Variants in RAPGEF5 observed in about 807,000 individuals in gnomAD.
RAPGEF5 encodes M-Ras-regulated GEF.
A neutral mutation model predicts 125.2 loss-of-function variants in RAPGEF5; 65 were observed. That is an observed-to-expected ratio of 0.52 (90% CI 0.43 to 0.64). The LOEUF is 0.64. RAPGEF5 is among the 30% of genes least tolerant of loss of function. RAPGEF5 has a pLI of 0.00. For missense variants in RAPGEF5, 958 were observed against 1,048.1 expected, an observed-to-expected ratio of 0.91 and a Z score of 1.19; for synonymous variants, 391 against 385.9, an observed-to-expected ratio of 1.01 and a Z score of -0.16.
At chr7:22,313,751 T>C (rs1387802937) in intron 3 of RAPGEF5, among the ~76,000 whole-genome samples, 1 of 152,278 alleles carries the variant, frequency 6.6e-6, no homozygotes, top group Non-Finnish European at 1.5e-5. Context: ...TGCTCACGAC[T>C]CTACTCAAAG....
intron 22 of RAPGEF5, 59 bp from the exon 23 acceptor site, chr7:22,136,184 C>G (rs1449078456): frequency 8.1e-7 from 1 of 1,239,810 alleles, no homozygotes; most frequent in Non-Finnish European, 1.2e-6. Context: ...AGAAACAATT[C>G]TAAATCCACC....
intron 5 of RAPGEF5, among the ~76,000 whole-genome samples, chr7:22,305,437 T>C (rs946772744): frequency 7.9e-5 from 12 of 152,028 alleles, no homozygotes; most frequent in African/African-American, 2.7e-4. Flanking sequence ...GGGTACAGAG[T>C]AGGTATATAT....
At chr7:22,185,319 C>T (rs1784795169) in intron 11 of RAPGEF5, among the ~76,000 whole-genome samples, 1 of 152,154 alleles carries the variant, frequency 6.6e-6, no homozygotes, top group African/African-American at 2.4e-5. Flanking sequence ...AATAAATAAA[C>T]TGGTGTCTGG....
At chr7:22,176,723 GTTTT>G (rs1784520150) in intron 11 of RAPGEF5, among the ~76,000 whole-genome samples, 1 of 152,068 alleles carries the variant, frequency 6.6e-6, no homozygotes, top group African/African-American at 2.4e-5. Flanking sequence ...CAGAGGTGGG[GTTTT>G]ACCATGTTGG....
intron 1 of RAPGEF5, among the ~76,000 whole-genome samples, chr7:22,343,410 C>G (rs996541998): frequency 6.6e-6 from 1 of 152,004 alleles, no homozygotes; most frequent in African/African-American, 2.4e-5. Context: ...TTTCTTATAC[C>G]TAAAGAATTG....
chr7:22,154,752 A>G, intron 16 of RAPGEF5, 148 bp from the exon 17 acceptor site: 4 of 644,976 alleles, frequency 6.2e-6, no homozygotes, highest in Non-Finnish European at 9.9e-6. Context: ...TAGATTTTTT[A>G]TATATGTACA....
intron 6 of RAPGEF5, 127 bp from the exon 7 acceptor site, chr7:22,267,139 A>G: frequency 2.3e-6 from 2 of 887,756 alleles, no homozygotes; most frequent in Non-Finnish European, 3.3e-6. Flanking sequence ...GTTTGCTGCC[A>G]GCACTTTTTT....
chr7:22,176,823 G>A (rs1023360151), intron 11 of RAPGEF5, among the ~76,000 whole-genome samples: 3 of 152,182 alleles, frequency 2.0e-5, no homozygotes, highest in Non-Finnish European at 2.9e-5. Context: ...GAGCCACTGC[G>A]CCTGGCCAAT....
intron 15 of RAPGEF5, 88 bp downstream of exon 15, chr7:22,157,767 T>A (rs1169994126): frequency 7.1e-7 from 1 of 1,399,584 alleles, no homozygotes; most frequent in Non-Finnish European, 1.0e-6. Flanking sequence ...GAGGCAGTAT[T>A]CATTTTAATT....
At chr7:22,314,641 A>C in intron 3 of RAPGEF5, 1 of 981,536 alleles carries the variant, frequency 1.0e-6, no homozygotes. Context: ...ATTTCTTTGA[A>C]ATAGAATAGT....
chr7:22,346,184 G>A (rs965612415), intron 1 of RAPGEF5, among the ~76,000 whole-genome samples: 1 of 152,146 alleles, frequency 6.6e-6, no homozygotes, highest in African/African-American at 2.4e-5. Flanking sequence ...TGGTTCCCAT[G>A]ATAGAATACT....
intron 9 of RAPGEF5, among the ~76,000 whole-genome samples, chr7:22,217,284 T>A (rs922160421): frequency 6.6e-6 from 1 of 152,212 alleles, no homozygotes; most frequent in Non-Finnish European, 1.5e-5. Flanking sequence ...AGGTTTACGT[T>A]AAGTAAACTG....
intron 18 of RAPGEF5, 45 bp downstream of exon 18, chr7:22,150,362 C>A (rs2128107076): frequency 6.4e-7 from 1 of 1,573,692 alleles, no homozygotes; most frequent in East Asian, 2.3e-5. Flanking sequence ...TATGAGCCAC[C>A]TCGCCTGGCC....
chr7:22,310,456 T>C (rs1176265956), intron 3 of RAPGEF5, among the ~76,000 whole-genome samples: 1 of 152,244 alleles, frequency 6.6e-6, no homozygotes, highest in African/African-American at 2.4e-5. Flanking sequence ...ACACAGTAAG[T>C]TGTCAAAATA....
chr7:22,169,066 T>C (rs571058940), intron 11 of RAPGEF5, among the ~76,000 whole-genome samples: 2 of 152,332 alleles, frequency 1.3e-5, no homozygotes, highest in South Asian at 2.1e-4. Context: ...TATTACTCTA[T>C]GGCAAAAGCG....
intron 22 of RAPGEF5, 133 bp from the exon 23 acceptor site, chr7:22,136,258 A>C: frequency 1.7e-6 from 1 of 596,222 alleles, no homozygotes; most frequent in Non-Finnish European, 2.8e-6. Context: ...AAAGTAGATA[A>C]AGGTTTCCTA....
At chr7:22,127,251 G>A (rs886625985) in intron 24 of RAPGEF5, among the ~76,000 whole-genome samples, 6 of 151,922 alleles carry the variant, frequency 3.9e-5, no homozygotes, top group South Asian at 2.1e-4. Context: ...GTTCAAGTCA[G>A]GCTGGTCTTG....
intron 7 of RAPGEF5, among the ~76,000 whole-genome samples, chr7:22,243,992 C>G (rs1786406130): frequency 6.6e-6 from 1 of 152,128 alleles, no homozygotes; most frequent in Non-Finnish European, 1.5e-5. Flanking sequence ...TCCGTAAGTT[C>G]TACTTTCTAA....
intron 6 of RAPGEF5, among the ~76,000 whole-genome samples, chr7:22,275,301 C>A: frequency 6.6e-6 from 1 of 152,294 alleles, no homozygotes; most frequent in Middle Eastern, 3.4e-3. Flanking sequence ...TTTATAAGCC[C>A]GCTGAAATGG....
Sources: gnomAD v4.1 joint callset for allele counts (sites outside exome capture counted in the v4.1 genomes callset) on GRCh38, gnomAD v4.1.1 for gene constraint, MANE v1.5 for transcripts, NCBI Gene and HGNC (gene_info 2026-07-23, HGNC 2026-07-21) for gene names.